MBD5: variants seen among roughly 807,000 people sequenced by gnomAD.
MBD5 encodes methyl-CpG-binding domain protein 5.
In MBD5, 13 loss-of-function variants were observed where a neutral mutation model predicts 117.3. That is an observed-to-expected ratio of 0.11 (90% CI 0.07 to 0.18). The LOEUF is 0.18. Among genes scored for constraint, MBD5 ranks in the 10% least tolerant of loss-of-function variants. The pLI is 1.00. For missense variants in MBD5, 1,879 were observed against 2,093.8 expected (o/e 0.90, Z 2.00); for synonymous variants, 727 against 766.4 (o/e 0.95, Z 0.85).
chr2:148,053,926 A>G (rs1359766294), intron 1 of MBD5: 1 of 84,080 alleles, frequency 1.2e-5, no homozygotes, highest in African/African-American at 4.7e-5. Flanking sequence ...TTTTTTTTCT[A>G]TGACAGGGTT....
At chr2:148,272,154 G>A (rs1701001286) in intron 3 of MBD5, among the ~76,000 whole-genome samples, 1 of 152,138 alleles carries the variant, frequency 6.6e-6, no homozygotes, top group East Asian at 1.9e-4. Flanking sequence ...TGTCTTATGT[G>A]TTCATACACC....
intron 1 of MBD5, chr2:148,055,597 T>A (rs943413615): frequency 1.3e-4 from 20 of 152,168 alleles, no homozygotes; most frequent in African/African-American, 4.8e-4. Context: ...CACGCTCGGC[T>A]AATTTTTTGT....
At chr2:148,138,190 G>C (rs1020457171) in intron 1 of MBD5, among the ~76,000 whole-genome samples, 9 of 152,056 alleles carry the variant, frequency 5.9e-5, no homozygotes, top group Non-Finnish European at 1.2e-4. Flanking sequence ...ACTTGCAAAG[G>C]CCTCATACAC....
At chr2:148,318,238 G>A (rs557617305) in intron 3 of MBD5, among the ~76,000 whole-genome samples, 1 of 151,156 alleles carries the variant, frequency 6.6e-6, no homozygotes, top group East Asian at 1.9e-4. Flanking sequence ...GTGTTTGTTA[G>A]CCACTTGTAT....
At chr2:148,150,181 C>G (rs1697608660) in intron 1 of MBD5, among the ~76,000 whole-genome samples, 1 of 145,012 alleles carries the variant, frequency 6.9e-6, no homozygotes, top group Non-Finnish European at 1.5e-5. Context: ...TTCCCAGCAC[C>G]ATTTATTAAA....
chr2:148,271,790 A>G (rs2106344331), intron 3 of MBD5, among the ~76,000 whole-genome samples: 1 of 152,282 alleles, frequency 6.6e-6, no homozygotes, highest in Non-Finnish European at 1.5e-5. Flanking sequence ...TTTTGTGATG[A>G]GAACACTTAA....
chr2:148,056,766 GT>G (rs1232257273), intron 1 of MBD5, among the ~76,000 whole-genome samples: 1 of 151,800 alleles, frequency 6.6e-6, no homozygotes, highest in Admixed American at 6.6e-5. Context: ...GAGTCCATAC[GT>G]TTTTTCTATT....
At chr2:148,314,635 C>A (rs1702115479) in intron 3 of MBD5, among the ~76,000 whole-genome samples, 1 of 152,164 alleles carries the variant, frequency 6.6e-6, no homozygotes, top group African/African-American at 2.4e-5. Context: ...TCCTCGGCCT[C>A]CCAAAGTGCT....
At position 148,514,554 on chromosome 2, in the gene MBD5, G is replaced by T. The variant is rs1682301642; in HGVS notation, c.*1613G>T. On this transcript the variant is annotated 3_prime_UTR_variant, in exon 14 of 14. Transcript: ENST00000642680. ...GCACTGCCTCGTCCTCTAGCCTGGGGCTCACACAACAGTCTGCCACTCAGG... is the reference window on the plus strand; with the variant it reads ...GCACTGCCTCGTCCTCTAGCCTGGGTCTCACACAACAGTCTGCCACTCAGG... 1 of 152,228 alleles carries T rather than the reference G, an allele frequency of 6.6e-6. No homozygotes were observed. Among genetic ancestry groups the T allele is most frequent in the African/African-American group, 2.4e-5 (1 of 41,408 alleles). The allele number at this position is 152,228 out of a possible 1,614,324, so 9.4% of individuals were successfully genotyped here. A position where few individuals can be genotyped will look rare whatever the true frequency, so the allele number is the denominator to read the frequency against.
intron 2 of MBD5, among the ~76,000 whole-genome samples, chr2:148,213,367 T>TA (rs1341792593): frequency 6.6e-6 from 1 of 152,164 alleles, no homozygotes; most frequent in African/African-American, 2.4e-5. Context: ...ATATGCATAA[T>TA]AAAGACATTA....
intron 4 of MBD5, among the ~76,000 whole-genome samples, chr2:148,407,085 G>T (rs1011895125): frequency 5.3e-5 from 8 of 152,124 alleles, no homozygotes; most frequent in African/African-American, 1.9e-4. Context: ...GATACATAAA[G>T]TCCAGTAAGG....
chr2:148,135,466 T>C (rs1697148834), intron 1 of MBD5, among the ~76,000 whole-genome samples: 1 of 152,210 alleles, frequency 6.6e-6, no homozygotes, highest in South Asian at 2.1e-4. Context: ...TAAAAACATA[T>C]TTTTACATTC....
At chr2:148,328,565 C>T (rs563465813) in intron 3 of MBD5, among the ~76,000 whole-genome samples, 6 of 152,236 alleles carry the variant, frequency 3.9e-5, no homozygotes, top group Admixed American at 6.5e-5. Context: ...TTAAGCCCAT[C>T]GGAAAAGCGC....
At chr2:148,038,809 TTTAAA>T (rs1694272947) in intron 1 of MBD5, among the ~76,000 whole-genome samples, 2 of 152,120 alleles carry the variant, frequency 1.3e-5, no homozygotes, top group East Asian at 3.9e-4. Context: ...GATGTTACTG[TTTAAA>T]TTATACCAGG....
intron 1 of MBD5, among the ~76,000 whole-genome samples, chr2:148,159,565 C>T (rs1402979897): frequency 2.6e-5 from 4 of 151,990 alleles, no homozygotes; most frequent in African/African-American, 4.8e-5. Context: ...GGTTTACAGG[C>T]GTGAGTCACC....
chr2:148,294,511 T>TTTTGTTTTTTTTTTTTTTTTTGTTTTG (rs1559009568), intron 3 of MBD5, among the ~76,000 whole-genome samples: 1 of 142,022 alleles, frequency 7.0e-6, no homozygotes, highest in African/African-American at 2.7e-5. Flanking sequence ...GTTTTTTTTT[T>TTTTGTTTTTTTTTTTTTTTTTGTTTTG]TTTTTTTTTT....
chr2:148,303,575 AG>A (rs1701822503), intron 3 of MBD5, among the ~76,000 whole-genome samples: 1 of 152,272 alleles, frequency 6.6e-6, no homozygotes, highest in African/African-American at 2.4e-5. Flanking sequence ...AGAAAAGTGT[AG>A]AATATGAATA....
chr2:148,252,878 C>A (rs1233811980), intron 3 of MBD5, among the ~76,000 whole-genome samples: 2 of 152,194 alleles, frequency 1.3e-5, no homozygotes, highest in Non-Finnish European at 2.9e-5. Context: ...TAACAAATAT[C>A]TAGCCATGAG....
At position 148,181,658 on chromosome 2, in the gene MBD5, C is replaced by T. The variant is rs142945179; in HGVS notation, c.-831+2865C>T. Among the ~76,000 whole-genome samples the T allele has an allele frequency of 7.2e-3, 1,095 of 152,152 alleles. 11 individuals are homozygous for T. Among genetic ancestry groups the T allele is most frequent in the African/African-American group, 0.025 (1,021 of 41,526 alleles). On this transcript the variant is annotated intron_variant, in intron 2 of 13. Coordinates refer to ENST00000642680, the MANE Select transcript of MBD5 (RefSeq NM_001378120.1). ...ATTTCCCTCTTCTGAACTTGCTTCT[C>T]ATATTCTTTATATATTTTTTCATTT...
Sources: allele counts gnomAD v4.1 joint callset (sites outside exome capture counted in the v4.1 genomes callset), GRCh38; gene constraint gnomAD v4.1.1; transcripts MANE v1.5; gene names NCBI Gene and HGNC (gene_info 2026-07-23, HGNC 2026-07-21).